Variants in DSC3 observed in about 807,000 individuals in gnomAD.
DSC3 encodes the protein desmocollin 3, also known as desmocollin-3.
A neutral mutation model predicts 89.5 loss-of-function variants in DSC3; 97 were observed. The observed-to-expected ratio is 1.08, with a 90% confidence interval of 0.92 to 1.28. The LOEUF (loss-of-function observed/expected upper bound fraction) is 1.28, where lower values mean the gene tolerates loss of function less well. Among genes scored for constraint, DSC3 ranks in the 50% most tolerant of loss-of-function variants. The probability of loss-of-function intolerance (pLI) is 0.00; values close to 1 mark genes in which losing one functional copy is unlikely to be tolerated. For synonymous variants in DSC3, 436 were observed against 384.1 expected (o/e 1.14, Z -1.58); for missense variants, 1,199 against 1,085.3 (o/e 1.10, Z -1.47).
chr18:31,041,432 T>C (rs1986127437), intron 1 of DSC3, among the ~76,000 whole-genome samples: 1 of 152,166 alleles, frequency 6.6e-6, no homozygotes, highest in African/African-American at 2.4e-5. Context: ...TAACTACCAA[T>C]CCCATATTCA....
rs35559189 is a variant in DSC3, at chr18:30,999,449, G to GA, written c.2235+2168dup. On this transcript the variant is annotated intron_variant, in intron 14 of 15. Transcript: ENST00000360428. Reference sequence around the variant, plus strand: ...ACAATAAAATTCAATTACAAAAAAGGAAAAAAAAAAACCCTCCTAATTATT... The same window carrying GA: ...ACAATAAAATTCAATTACAAAAAAGGAAAAAAAAAAAACCCTCCTAATTATT... 3.3e-3 allele frequency among the ~76,000 whole-genome samples: 466 copies of GA among 141,322 alleles called. 5 individuals carry two copies. Among genetic ancestry groups the GA allele is most frequent in the African/African-American group, 8.8e-3 (345 of 39,120 alleles). 92.7% of individuals were successfully genotyped at this position (141,322 alleles called of 152,430 possible).
In DSC3 at chr18:30,991,024, C is replaced by CTTAATTAAATAA. The variant is rs1984220841; in HGVS notation, c.*3150_*3151insTTATTTAATTAA. ...AAGCATAATTTTGCAAAGTGATCAT[C>CTTAATTAAATAA]TTAGAATTATTTAATCTCTAAATAC... On this transcript the variant is annotated 3_prime_UTR_variant, in exon 16 of 16. Transcript: ENST00000360428. 1 of 152,196 alleles carries CTTAATTAAATAA rather than the reference C, an allele frequency of 6.6e-6. No homozygotes were observed. Among genetic ancestry groups the CTTAATTAAATAA allele is most frequent in the Non-Finnish European group, 1.5e-5 (1 of 68,020 alleles). 9.4% of individuals were successfully genotyped at this position (152,196 alleles called of 1,614,324 possible).
intron 4 of DSC3, among the ~76,000 whole-genome samples, chr18:31,028,680 A>G (rs1985680423): frequency 6.6e-6 from 1 of 152,094 alleles, no homozygotes; most frequent in Admixed American, 6.6e-5. Context: ...TTTAAGGGGA[A>G]AAAGGCAAGC....
Position 31,022,464 on chromosome 18 carries a change from C to T in DSC3, c.814G>A (p.Glu272Lys). The change falls in exon 7 of 16, where the codon GAA becomes AAA. Residue 272 changes from glutamate (E) to lysine (K), a missense_variant. Glu to Lys is a moderately conservative substitution (Grantham distance 56). Transcript: ENST00000360428. ...VGVVCATDRD[E>K]PDTMHTRLKY... ...AGGCGCGTATGCATTGTGTCCGGTT[C>T]ATCTCTGTCTGTGGCACAAACCACC... The T allele has an allele frequency of 6.2e-7, 1 of 1,614,026 alleles. No homozygotes were observed. Among genetic ancestry groups the T allele is most frequent in the Non-Finnish European group, 8.5e-7 (1 of 1,179,962 alleles).
intron 3 of DSC3, among the ~76,000 whole-genome samples, 177 bp downstream of exon 3, chr18:31,030,796 G>A (rs1365870517): frequency 6.6e-6 from 1 of 151,648 alleles, no homozygotes; most frequent in Non-Finnish European, 1.5e-5. Flanking sequence ...AAAAGGACAG[G>A]GTAAGAAAAT....
intron 14 of DSC3, 38 bp downstream of exon 14, chr18:31,001,580 C>T (rs531343219): frequency 2.7e-5 from 43 of 1,598,752 alleles, no homozygotes; most frequent in Non-Finnish European, 3.0e-5. Context: ...ATTAAATTAT[C>T]GGAGATACAA....
At chr18:30,998,940 A>G (rs1297470280) in intron 14 of DSC3, among the ~76,000 whole-genome samples, 1 of 149,196 alleles carries the variant, frequency 6.7e-6, no homozygotes, top group Non-Finnish European at 1.5e-5. Flanking sequence ...AGAGAAATCA[A>G]ATATAATTTT....
rs1176258549 is a variant in DSC3, at chr18:31,042,661, C to T, written c.-1G>A. On this transcript the variant is annotated 5_prime_UTR_variant, in exon 1 of 16. Transcript: ENST00000360428. ...AGCGCCGGGGCCCAGCGGCGGCCAT[C>T]GGGATGCCGGGCAGGGCCAGGAGAA... 1.3e-6 allele frequency: 2 copies of T among 1,549,032 alleles called. No individual in the cohort carries two copies. Among genetic ancestry groups the T allele is most frequent in the East Asian group, 4.9e-5 (2 of 40,854 alleles).
At position 31,003,985 on chromosome 18, in the gene DSC3, G is replaced by A. The variant is rs190172520; in HGVS notation, c.2113+157C>T. Among the ~76,000 whole-genome samples the A allele has an allele frequency of 4.2e-3, 637 of 152,284 alleles. 4 individuals are homozygous for A. The highest frequency in any genetic ancestry group is 0.015 in the African/African-American group (623 of 41,564). On this transcript the variant is annotated intron_variant, in intron 13 of 15. Coordinates refer to ENST00000360428, the MANE Select transcript of DSC3 (RefSeq NM_001941.5). ...CAAGAAGGATCATGTTCCCGTCACA[G>A]AAAATATTCAAACACAACTCAGGTA... is the stretch of plus-strand genomic sequence containing the variant.
At position 31,004,231 on chromosome 18, in the gene DSC3, G is replaced by C. The variant is rs1984760278; in HGVS notation, c.2024C>G (p.Thr675Ser). The change falls in exon 13 of 16, where the codon ACT becomes AGT. Residue 675 changes from threonine (T) to serine (S), a missense_variant. By Grantham distance (58) the Thr-to-Ser change is moderately conservative (BLOSUM62 1). Coordinates refer to ENST00000360428, the MANE Select transcript of DSC3 (RefSeq NM_001941.5). ...ACTCCTTGAAGTCGCACGACACTGA[G>C]TTGGATGAGTACATTCACACAGATT... Reference protein sequence around the residue: ...RVNLCECTHPTQCRATSRSTG... With the variant: ...RVNLCECTHPSQCRATSRSTG... 1 of 1,613,876 alleles carries C rather than the reference G, an allele frequency of 6.2e-7. No individual in the cohort carries two copies. Among genetic ancestry groups the C allele is most frequent in the African/African-American group, 1.3e-5 (1 of 74,914 alleles).
chr18:31,029,434 T>TA, intron 4 of DSC3, 75 bp downstream of exon 4: 12 of 1,559,966 alleles, frequency 7.7e-6, no homozygotes, highest in Non-Finnish European at 9.7e-6. Context: ...TTTATATGTT[T>TA]AAAGAGGTAT....
chr18:31,012,696 T>C (rs988200250), intron 9 of DSC3, among the ~76,000 whole-genome samples: 1 of 152,184 alleles, frequency 6.6e-6, no homozygotes, highest in African/African-American at 2.4e-5. Flanking sequence ...TGGGACACTG[T>C]TTCAGAGATG....
intron 6 of DSC3, among the ~76,000 whole-genome samples, chr18:31,023,660 C>T (rs567255174): frequency 6.6e-6 from 1 of 152,204 alleles, no homozygotes; most frequent in African/African-American, 2.4e-5. Flanking sequence ...TTAGGAAAGT[C>T]ATCCTTTATG....
chr18:31,018,733 C>G lies in DSC3; in HGVS notation c.1010G>C (p.Gly337Ala). ...DMDGQFFGLI[G>A]TSTCIITVTD... ...TACTGTTATGATACAAGTTGATGTG[C>G]CTATCAATCCAAAAAACTGGCCATC... is the stretch of plus-strand genomic sequence containing the variant. Residue 337 changes from glycine (G) to alanine (A), a missense_variant, in exon 8 of 16, where the codon GGC becomes GCC. Physicochemically the swap from Gly to Ala is moderately conservative, Grantham distance 60. Transcript: ENST00000360428. 6.2e-7 allele frequency: 1 copy of G among 1,613,570 alleles called. No homozygotes were observed. The highest frequency in any genetic ancestry group is 8.5e-7 in the Non-Finnish European group (1 of 1,179,696).
chr18:30,998,906 T>C (rs555700515), intron 14 of DSC3, among the ~76,000 whole-genome samples: 50 of 152,320 alleles, frequency 3.3e-4, no homozygotes, highest in Non-Finnish European at 6.2e-4. Flanking sequence ...CAGGGAGTGC[T>C]GGGTAAGCAG....
At chr18:31,042,490 G>T in intron 1 of DSC3, 102 bp downstream of exon 1, 3 of 1,206,288 alleles carry the variant, frequency 2.5e-6, no homozygotes, top group Non-Finnish European at 3.6e-6. Flanking sequence ...TCTGAGCCGC[G>T]GTTGTCACGT....
rs1371456814 is a variant in DSC3 at position 30,991,032 on chromosome 18, T to G, written c.*3143A>C. ...TTTTGCAAAGTGATCATCTTAGAAT[T>G]ATTTAATCTCTAAATACAGCAAAAA... On this transcript the variant is annotated 3_prime_UTR_variant, in exon 16 of 16. Coordinates refer to ENST00000360428, the MANE Select transcript of DSC3 (RefSeq NM_001941.5). The G allele has an allele frequency of 6.6e-6, 1 of 152,332 alleles. No homozygotes were observed. Among genetic ancestry groups the G allele is most frequent in the Non-Finnish European group, 1.5e-5 (1 of 68,036 alleles). 9.4% of individuals were successfully genotyped at this position (152,332 alleles called of 1,614,324 possible). A position where few individuals can be genotyped will look rare whatever the true frequency, so the allele number is the denominator to read the frequency against.
rs552121783 is a variant in DSC3, at chr18:31,041,782, A to C, written c.69+810T>G. On this transcript the variant is annotated intron_variant, in intron 1 of 15. Coordinates refer to ENST00000360428, the MANE Select transcript of DSC3 (RefSeq NM_001941.5). ...TTCGTCCTGGGCGGCAGGTTTCCGT[A>C]GACTCGAAACCCCAGGCTGTGCTCC... Among the ~76,000 whole-genome samples the C allele has an allele frequency of 3.9e-5, 6 of 152,198 alleles. No individual in the cohort carries two copies. In the South Asian group the frequency reaches 1.0e-3, roughly 26 times the overall value.
Position 30,993,944 on chromosome 18 carries a change from A to T in DSC3, c.*231T>A. 1 of 435,888 alleles carries T rather than the reference A, an allele frequency of 2.3e-6. No individual in the cohort carries two copies. The highest frequency in any genetic ancestry group is 4.2e-6 in the Non-Finnish European group (1 of 239,584). 27.0% of individuals were successfully genotyped at this position (435,888 alleles called of 1,614,324 possible). ...AAAAAAAAGAGCAGATGCTTTAGAG[A>T]CCTTAATTCCAGTGCTGGAGTTTGA... On this transcript the variant is annotated 3_prime_UTR_variant, in exon 16 of 16. Transcript: ENST00000360428.
Sources: allele counts gnomAD v4.1 joint callset (sites outside exome capture counted in the v4.1 genomes callset), GRCh38; gene constraint gnomAD v4.1.1; transcripts MANE v1.5; gene names NCBI Gene and HGNC (gene_info 2026-07-23, HGNC 2026-07-21).